The following PTPRD variants were observed in gnomAD, a reference collection of about 807,000 sequenced individuals.
The protein encoded by PTPRD is receptor-type tyrosine-protein phosphatase delta.
PTPRD carries 34 observed loss-of-function variants against 214.5 expected under a neutral mutation model. The ratio of observed to expected loss-of-function variants is 0.16; its 90% CI spans 0.12 to 0.21. The LOEUF is 0.21. PTPRD is among the 10% of genes least tolerant of loss of function. PTPRD has a pLI of 1.00. For missense variants in PTPRD, 2,545 were observed against 2,398.7 expected (o/e 1.06, Z -1.27); for synonymous variants, 1,128 against 845.7 (o/e 1.33, Z -5.79).
At chr9:9,198,649 T>C (rs556018506) in intron 9 of PTPRD, among the ~76,000 whole-genome samples, 32 of 152,302 alleles carry the variant, frequency 2.1e-4, no homozygotes, top group African/African-American at 7.5e-4. Flanking sequence ...TCAGCTCAAA[T>C]GCAAACTTAG....
chr9:9,855,936 C>T (rs2061473956), intron 5 of PTPRD, among the ~76,000 whole-genome samples: 1 of 152,146 alleles, frequency 6.6e-6, no homozygotes, highest in Admixed American at 6.5e-5. Context: ...GTAAAGGGGC[C>T]AGTGTGACAG....
At chr9:10,201,694 A>G (rs1482856209) in intron 3 of PTPRD, among the ~76,000 whole-genome samples, 1 of 152,078 alleles carries the variant, frequency 6.6e-6, no homozygotes, top group Non-Finnish European at 1.5e-5. Flanking sequence ...AAGGTGCTGG[A>G]TATGTTAATT....
At position 10,610,163 on chromosome 9, in the gene PTPRD, A is replaced by G. The variant is rs550922174; in HGVS notation, c.-600+2235T>C. 3.3e-3 allele frequency among the ~76,000 whole-genome samples: 499 copies of G among 152,232 alleles called. 5 individuals carry two copies. Among genetic ancestry groups the G allele is most frequent in the African/African-American group, 0.011 (464 of 41,558 alleles). The stretch of plus-strand genomic sequence containing the variant: ...GTACAGGACAGAGAGCTGGTGGCCA[A>G]AAAGGTGACAATTTAATCACCCATC... On this transcript the variant is annotated intron_variant, in intron 2 of 45. Coordinates refer to ENST00000381196, the MANE Select transcript of PTPRD (RefSeq NM_002839.4).
chr9:10,016,050 G>T (rs1011474449), intron 4 of PTPRD, among the ~76,000 whole-genome samples: 1 of 152,052 alleles, frequency 6.6e-6, no homozygotes, highest in Non-Finnish European at 1.5e-5. Flanking sequence ...ACTCCTATTG[G>T]TCTTTGTCCC....
At chr9:9,828,533 G>T (rs964486853) in intron 5 of PTPRD, among the ~76,000 whole-genome samples, 2 of 152,000 alleles carry the variant, frequency 1.3e-5, no homozygotes, top group African/African-American at 4.8e-5. Flanking sequence ...GATAGCATTA[G>T]GAGATATACT....
intron 2 of PTPRD, among the ~76,000 whole-genome samples, chr9:10,382,437 A>G (rs1167697869): frequency 3.3e-5 from 5 of 151,864 alleles, no homozygotes; most frequent in Non-Finnish European, 7.4e-5. Flanking sequence ...CTGACTTGCC[A>G]TTAGCCATTT....
chr9:8,667,809 C>T (rs757125203), intron 12 of PTPRD, among the ~76,000 whole-genome samples: 6 of 151,884 alleles, frequency 4.0e-5, no homozygotes, highest in Non-Finnish European at 8.8e-5. Flanking sequence ...CTTTTGGTCC[C>T]GATCATTTCA....
chr9:9,740,777 C>T (rs1336888294), intron 6 of PTPRD, among the ~76,000 whole-genome samples: 2 of 152,136 alleles, frequency 1.3e-5, no homozygotes, highest in Admixed American at 6.6e-5. Flanking sequence ...GAAAGTATTA[C>T]ATGTTAAAGT....
At chr9:9,795,808 C>A (rs1598077267) in intron 5 of PTPRD, among the ~76,000 whole-genome samples, 2 of 152,194 alleles carry the variant, frequency 1.3e-5, no homozygotes, top group South Asian at 2.1e-4. Context: ...GACACATCTT[C>A]TTCTGACAAT....
chr9:8,819,261 T>C (rs2096989994), intron 11 of PTPRD, among the ~76,000 whole-genome samples: 1 of 152,156 alleles, frequency 6.6e-6, no homozygotes, highest in African/African-American at 2.4e-5. Context: ...AAATAAAACA[T>C]ATAAACTATA....
chr9:8,733,966 G>T lies in PTPRD; in HGVS notation c.-103-20C>A. 2 of 972,168 alleles carry T rather than the reference G, an allele frequency of 2.1e-6. No homozygotes were observed. The highest frequency in any genetic ancestry group is 2.6e-5 in the East Asian group (1 of 37,940). The allele number at this position is 972,168 out of a possible 1,614,324, so 60.2% of individuals were successfully genotyped here. ...CAGAGCCTGAAAGCGGGGAGGAAGA[G>T]AAAAGAAAAGGAAGAAAACACAAAA... On this transcript the variant is annotated intron_variant, in intron 11 of 45. Coordinates refer to ENST00000381196, the MANE Select transcript of PTPRD (RefSeq NM_002839.4).
intron 2 of PTPRD, among the ~76,000 whole-genome samples, chr9:10,446,996 T>G (rs1055650364): frequency 2.2e-4 from 33 of 152,262 alleles, no homozygotes; most frequent in African/African-American, 7.7e-4. Context: ...CCAAATATAC[T>G]CTGATAAACC....
Position 9,460,179 on chromosome 9 carries a change from A to G in PTPRD, c.-236-62697T>C, listed in dbSNP as rs760378852. On this transcript the variant is annotated intron_variant, in intron 8 of 45. Transcript: ENST00000381196. ...TGAAATGACCCCTATTTCTCACGATATAAAAACTAGCTCAAGATGGATTAA... is the reference window on the plus strand; with the variant it reads ...TGAAATGACCCCTATTTCTCACGATGTAAAAACTAGCTCAAGATGGATTAA... Among the ~76,000 whole-genome samples the G allele has an allele frequency of 1.6e-4, 25 of 152,078 alleles. No homozygotes were observed. The East Asian group carries it at 2.1e-3, about 13-fold the overall frequency.
intron 6 of PTPRD, among the ~76,000 whole-genome samples, chr9:9,745,051 T>C (rs569699264): frequency 3.9e-5 from 6 of 152,024 alleles, no homozygotes; most frequent in Admixed American, 1.3e-4. Flanking sequence ...ATTTTTAATG[T>C]CTTCAAAAAA....
intron 5 of PTPRD, among the ~76,000 whole-genome samples, chr9:9,791,242 G>A (rs953523099): frequency 1.3e-5 from 2 of 151,902 alleles, no homozygotes; most frequent in Admixed American, 6.6e-5. Context: ...AGCTAAAATC[G>A]GATTATACCT....
At chr9:9,016,327 C>A (rs1377254614) in intron 11 of PTPRD, among the ~76,000 whole-genome samples, 6 of 152,148 alleles carry the variant, frequency 3.9e-5, no homozygotes, top group Non-Finnish European at 1.5e-5. Context: ...TTGTAATATA[C>A]ATGGGCTGTG....
At chr9:9,874,433 C>T (rs189769572) in intron 5 of PTPRD, among the ~76,000 whole-genome samples, 172 of 151,960 alleles carry the variant, frequency 1.1e-3, no homozygotes, top group African/African-American at 4.1e-3. Context: ...AAGAAAGGAA[C>T]AGTCACAACA....
intron 11 of PTPRD, among the ~76,000 whole-genome samples, chr9:8,809,596 G>C (rs1421503205): frequency 6.6e-6 from 1 of 152,112 alleles, no homozygotes. Flanking sequence ...TTATGAAATA[G>C]ATGTTGCCCT....
chr9:9,345,919 T>C (rs558494227), intron 9 of PTPRD, among the ~76,000 whole-genome samples: 1 of 152,194 alleles, frequency 6.6e-6, no homozygotes, highest in Non-Finnish European at 1.5e-5. Flanking sequence ...ATAGTGGCTC[T>C]TTGATATTTC....
Sources: gnomAD v4.1 joint callset for allele counts (sites outside exome capture counted in the v4.1 genomes callset) on GRCh38, gnomAD v4.1.1 for gene constraint, MANE v1.5 for transcripts, NCBI Gene and HGNC (gene_info 2026-07-23, HGNC 2026-07-21) for gene names.